RANBP17: variants seen among roughly 807,000 people sequenced by gnomAD.
RANBP17 encodes RAN binding protein 17.
RANBP17 carries 158 observed loss-of-function variants against 141.2 expected under a neutral mutation model. The observed-to-expected ratio is 1.12, with a 90% CI of 0.98 to 1.28. The LOEUF (loss-of-function observed/expected upper bound fraction) is 1.28. RANBP17 is among the 50% of genes most tolerant of loss of function. The probability of loss-of-function intolerance (pLI) is 0.00; values close to 1 mark genes in which losing one functional copy is unlikely to be tolerated. For synonymous variants in RANBP17, 430 were observed against 450.0 expected (o/e 0.96, Z 0.56); for missense variants, 1,438 against 1,290.7 (o/e 1.11, Z -1.75).
chr5:171,103,828 C>T (rs987226072), intron 14 of RANBP17, among the ~76,000 whole-genome samples: 12 of 152,142 alleles, frequency 7.9e-5, no homozygotes, highest in African/African-American at 2.7e-4. Context: ...CACAGTTCCT[C>T]AGGGCTTCCC....
chr5:170,953,550 T>A, intron 12 of RANBP17, 47 bp from the exon 13 acceptor site: 1 of 1,275,322 alleles, frequency 7.8e-7, no homozygotes, highest in Non-Finnish European at 1.1e-6. Context: ...ATAAGCTACG[T>A]TTCTATGAAT....
At chr5:171,132,050 T>G (rs975406159) in intron 14 of RANBP17, among the ~76,000 whole-genome samples, 3 of 152,146 alleles carry the variant, frequency 2.0e-5, no homozygotes, top group African/African-American at 7.2e-5. Context: ...TAGATGAAAT[T>G]TATAGTTTCT....
chr5:170,983,123 A>G, intron 14 of RANBP17: 1 of 522,228 alleles, frequency 1.9e-6, no homozygotes, highest in Non-Finnish European at 3.7e-6. Flanking sequence ...AAAGAGGAAG[A>G]AGGGAGAGAT....
chr5:170,951,640 T>C (rs1439193641), intron 12 of RANBP17, among the ~76,000 whole-genome samples: 1 of 152,062 alleles, frequency 6.6e-6, no homozygotes, highest in Admixed American at 6.6e-5. Flanking sequence ...GTTCTAAAAT[T>C]AGATTGTGGT....
chr5:171,257,040 TGAG>T (rs1347891481), intron 24 of RANBP17, among the ~76,000 whole-genome samples: 3 of 152,104 alleles, frequency 2.0e-5, no homozygotes, highest in Non-Finnish European at 4.4e-5. Context: ...TCCAAAAAAT[TGAG>T]GAGGAGGGAA....
chr5:170,998,377 AT>A (rs1778976447), intron 14 of RANBP17, among the ~76,000 whole-genome samples: 1 of 152,178 alleles, frequency 6.6e-6, no homozygotes, highest in Non-Finnish European at 1.5e-5. Flanking sequence ...CGTAGAAGCC[AT>A]TTATAAACTT....
intron 14 of RANBP17, among the ~76,000 whole-genome samples, chr5:170,975,664 C>T (rs1777313728): frequency 6.6e-6 from 1 of 152,168 alleles, no homozygotes; most frequent in African/African-American, 2.4e-5. Flanking sequence ...TATAAGGGCA[C>T]TAATCCCCCT....
intron 14 of RANBP17, chr5:171,029,211 AT>A (rs1049620427): frequency 3.1e-5 from 5 of 158,784 alleles, no homozygotes; most frequent in African/African-American, 1.2e-4. Flanking sequence ...TAATGTGATC[AT>A]TTTCAACACA....
intron 14 of RANBP17, among the ~76,000 whole-genome samples, chr5:170,985,891 C>T (rs558051712): frequency 6.6e-6 from 1 of 152,216 alleles, no homozygotes; most frequent in Non-Finnish European, 1.5e-5. Flanking sequence ...TATACCTATG[C>T]TAGTTTCCTC....
intron 14 of RANBP17, among the ~76,000 whole-genome samples, chr5:171,064,498 G>T (rs1314026608): frequency 6.6e-6 from 1 of 151,848 alleles, no homozygotes; most frequent in Non-Finnish European, 1.5e-5. Flanking sequence ...CCATTTGTTT[G>T]TTTTTTTGTT....
intron 11 of RANBP17, among the ~76,000 whole-genome samples, chr5:170,920,871 T>C (rs564284036): frequency 1.2e-4 from 18 of 152,374 alleles, no homozygotes; most frequent in African/African-American, 3.4e-4. Flanking sequence ...TTCATATGTC[T>C]GTTGGCTGCA....
intron 14 of RANBP17, among the ~76,000 whole-genome samples, chr5:171,115,995 A>G (rs1472875821): frequency 1.3e-5 from 2 of 152,176 alleles, no homozygotes; most frequent in Non-Finnish European, 2.9e-5. Context: ...GGACATGAAT[A>G]AAGAGGTACA....
chr5:170,993,281 T>G (rs1581340072), intron 14 of RANBP17, among the ~76,000 whole-genome samples: 1 of 152,236 alleles, frequency 6.6e-6, no homozygotes, highest in East Asian at 1.9e-4. Context: ...GTTTTAAATT[T>G]TCTCCTAATG....
intron 14 of RANBP17, among the ~76,000 whole-genome samples, chr5:171,115,065 C>T (rs1755515774): frequency 6.6e-6 from 1 of 151,930 alleles, no homozygotes; most frequent in East Asian, 1.9e-4. Flanking sequence ...TATGCCACTG[C>T]ACTCCAACCT....
intron 14 of RANBP17, among the ~76,000 whole-genome samples, chr5:171,060,805 G>C (rs1486780904): frequency 6.6e-6 from 1 of 151,872 alleles, no homozygotes; most frequent in Admixed American, 6.6e-5. Flanking sequence ...GACTCTTTTT[G>C]GTTGGTAAGC....
chr5:171,033,208 A>C (rs1235591648), intron 14 of RANBP17, among the ~76,000 whole-genome samples: 1 of 152,034 alleles, frequency 6.6e-6, no homozygotes, highest in Non-Finnish European at 1.5e-5. Context: ...GAAAGCTTTA[A>C]ACTTTAGGCT....
intron 14 of RANBP17, among the ~76,000 whole-genome samples, chr5:171,153,543 T>C (rs1029305820): frequency 7.9e-5 from 12 of 152,198 alleles, no homozygotes; most frequent in Admixed American, 3.9e-4. Flanking sequence ...ATGACTGATA[T>C]GCAGAATACT....
intron 14 of RANBP17, among the ~76,000 whole-genome samples, chr5:171,073,167 A>G (rs116043839): frequency 6.6e-6 from 1 of 152,106 alleles, no homozygotes; most frequent in Non-Finnish European, 1.5e-5. Context: ...GGTGTAAATT[A>G]AAAAATCAAC....
At chr5:171,020,910 CCA>C (rs1561995228) in intron 14 of RANBP17, among the ~76,000 whole-genome samples, 1 of 152,088 alleles carries the variant, frequency 6.6e-6, no homozygotes, top group African/African-American at 2.4e-5. Context: ...GTGGCTGGTA[CCA>C]GTTTTTCCTT....
Sources: allele counts gnomAD v4.1 joint callset (sites outside exome capture counted in the v4.1 genomes callset), GRCh38; gene constraint gnomAD v4.1.1; transcripts MANE v1.5; gene names NCBI Gene and HGNC (gene_info 2026-07-23, HGNC 2026-07-21).